Variants in DOCK4 observed in about 807,000 individuals in gnomAD.
The protein encoded by DOCK4 is dedicator of cytokinesis protein 4.
Under a neutral mutation model 268.1 loss-of-function variants are expected in DOCK4, and 97 were observed. The observed-to-expected ratio is 0.36, with a 90% CI of 0.31 to 0.43. The LOEUF is 0.43. Ranked by LOEUF, DOCK4 falls within the 20% of genes least tolerant of loss-of-function variation. DOCK4 has a pLI of 1.00. For missense variants in DOCK4, 2,145 were observed against 2,455.7 expected (o/e 0.87, Z 2.67); for synonymous variants, 954 against 887.2 (o/e 1.08, Z -1.34).
At chr7:111,872,396 T>C in intron 18 of DOCK4, 44 bp from the exon 19 acceptor site, 1 of 1,527,524 alleles carries the variant, frequency 6.5e-7, no homozygotes, top group East Asian at 2.4e-5. Flanking sequence ...AGATACTATC[T>C]GTCTTTTTCC....
intron 1 of DOCK4, among the ~76,000 whole-genome samples, chr7:112,007,700 C>T (rs1800969204): frequency 6.6e-6 from 1 of 151,968 alleles, no homozygotes. Flanking sequence ...TCAGTGGTAG[C>T]ATATAATGTA....
Position 111,851,934 on chromosome 7 carries a change from C to CCT in DOCK4, c.2474-4810_2474-4809dup, listed in dbSNP as rs147425513. Among the ~76,000 whole-genome samples the CCT allele has an allele frequency of 5.0e-3, 726 of 144,708 alleles. 4 individuals are homozygous for CCT. The highest frequency in any genetic ancestry group is 0.016 in the African/African-American group (611 of 39,290). The allele number at this position is 144,708 out of a possible 152,430, so 94.9% of individuals were successfully genotyped here. On this transcript the variant is annotated intron_variant, in intron 23 of 52. Transcript: ENST00000428084. Reference sequence around the variant, plus strand: ...TAAAGCATCCACAACTGTGAAAGTGCCTCTCTCTCTCTCTCTCTCCTTCCT... The same window carrying CCT: ...TAAAGCATCCACAACTGTGAAAGTGCCTCTCTCTCTCTCTCTCTCTCCTTCCT...
At chr7:112,178,036 A>C (rs1292644411) in intron 1 of DOCK4, among the ~76,000 whole-genome samples, 1 of 152,240 alleles carries the variant, frequency 6.6e-6, no homozygotes, top group African/African-American at 2.4e-5. Context: ...AAATTGTATT[A>C]AGTACCCAGC....
intron 32 of DOCK4, among the ~76,000 whole-genome samples, chr7:111,787,398 G>T (rs1298189542): frequency 6.6e-6 from 1 of 152,072 alleles, no homozygotes; most frequent in African/African-American, 2.4e-5. Context: ...GTGTACACTA[G>T]AATGAATGAG....
chr7:112,066,713 A>ATGTGTGTG (rs1563052397), intron 1 of DOCK4, among the ~76,000 whole-genome samples: 3 of 83,178 alleles, frequency 3.6e-5, no homozygotes, highest in African/African-American at 1.6e-4. Context: ...ATATATATAT[A>ATGTGTGTG]TATATATATA....
intron 11 of DOCK4, among the ~76,000 whole-genome samples, chr7:111,938,275 T>C (rs1016189286): frequency 1.3e-5 from 2 of 152,222 alleles, no homozygotes; most frequent in Admixed American, 1.3e-4. Flanking sequence ...TAGGTCCCAT[T>C]GGATGGAGAG....
At chr7:111,844,632 A>T in intron 25 of DOCK4, 131 bp downstream of exon 25, 1 of 1,206,364 alleles carries the variant, frequency 8.3e-7, no homozygotes, top group Non-Finnish European at 1.1e-6. Context: ...AGGTAACCTC[A>T]TATGATTTTG....
intron 12 of DOCK4, among the ~76,000 whole-genome samples, chr7:111,918,445 G>A (rs192703980): frequency 6.6e-6 from 1 of 152,112 alleles, no homozygotes; most frequent in Non-Finnish European, 1.5e-5. Flanking sequence ...GAAGAAGGGG[G>A]GAATAAGCCA....
rs539153782 is a variant in DOCK4 at position 111,756,345 on chromosome 7, T to C, written c.4330-744A>G. Among the ~76,000 whole-genome samples the C allele has an allele frequency of 1.1e-4, 16 of 152,062 alleles. No homozygotes were observed. The East Asian group carries it at 2.5e-3, about 24-fold the overall frequency. ...GCCTGGGCGACAGGGCGAGACTCCT[T>C]CTCAAAAAAATTATTTTTTTTTGAA... is the stretch of plus-strand genomic sequence containing the variant. On this transcript the variant is annotated intron_variant, in intron 41 of 52. Transcript: ENST00000428084.
At chr7:111,742,639 G>A (rs1795995155) in intron 44 of DOCK4, among the ~76,000 whole-genome samples, 1 of 152,102 alleles carries the variant, frequency 6.6e-6, no homozygotes, top group Non-Finnish European at 1.5e-5. Flanking sequence ...CAGGGAGGAT[G>A]GAAAAAACAA....
At chr7:111,921,802 C>G (rs1793160054) in intron 12 of DOCK4, among the ~76,000 whole-genome samples, 1 of 152,192 alleles carries the variant, frequency 6.6e-6, no homozygotes, top group African/African-American at 2.4e-5. Context: ...ATCATTGTTT[C>G]TGTTCTCATT....
At chr7:111,969,300 A>G (rs572045242) in intron 8 of DOCK4, among the ~76,000 whole-genome samples, 222 of 151,728 alleles carry the variant, frequency 1.5e-3, no homozygotes, top group Middle Eastern at 0.01. Flanking sequence ...CCAGCTTCCA[A>G]TTCTGTATGA....
chr7:112,135,962 A>C (rs1483263271), intron 1 of DOCK4, among the ~76,000 whole-genome samples: 1 of 152,212 alleles, frequency 6.6e-6, no homozygotes, highest in East Asian at 1.9e-4. Context: ...CTAAATCTTC[A>C]GCCAAGCTGA....
chr7:112,120,369 G>T (rs1229439263), intron 1 of DOCK4, among the ~76,000 whole-genome samples: 1 of 152,080 alleles, frequency 6.6e-6, no homozygotes, highest in Non-Finnish European at 1.5e-5. Context: ...ATGTTGTAAT[G>T]CCATGAAAAA....
intron 8 of DOCK4, among the ~76,000 whole-genome samples, chr7:111,962,789 A>T (rs58554188): frequency 0.3 from 46,229 of 152,142 alleles, 8,943 homozygotes; most frequent in African/African-American, 0.56. Context: ...AGTTTAATGA[A>T]GTGATGTTAG....
At chr7:111,733,677 A>G (rs548599885) in intron 51 of DOCK4, among the ~76,000 whole-genome samples, 13 of 152,270 alleles carry the variant, frequency 8.5e-5, no homozygotes, top group Non-Finnish European at 1.9e-4. Context: ...TTATTCCTTA[A>G]AAAATGCTTT....
intron 39 of DOCK4, 135 bp from the exon 40 acceptor site, chr7:111,760,457 A>G (rs1365538829): frequency 3.2e-6 from 3 of 924,946 alleles, no homozygotes; most frequent in Non-Finnish European, 4.8e-6. Flanking sequence ...ACGCTGGAAC[A>G]ATCTGAAAAG....
chr7:112,069,010 T>A (rs1465538128), intron 1 of DOCK4, among the ~76,000 whole-genome samples: 2 of 152,214 alleles, frequency 1.3e-5, no homozygotes, highest in African/African-American at 4.8e-5. Flanking sequence ...TCTTCACTCC[T>A]GTATAAAATG....
At chr7:111,814,295 G>C (rs1801379051) in intron 27 of DOCK4, among the ~76,000 whole-genome samples, 2 of 152,168 alleles carry the variant, frequency 1.3e-5, no homozygotes, top group African/African-American at 4.8e-5. Context: ...TGGAATCTCT[G>C]TGGCCTTACT....
Sources: allele counts gnomAD v4.1 joint callset (sites outside exome capture counted in the v4.1 genomes callset), GRCh38; gene constraint gnomAD v4.1.1; transcripts MANE v1.5; gene names NCBI Gene and HGNC (gene_info 2026-07-23, HGNC 2026-07-21).